F11: variants seen among roughly 807,000 people sequenced by gnomAD.
The protein encoded by F11 is coagualtion factor XI.
Under a neutral mutation model 76.5 loss-of-function variants are expected in F11, and 78 were observed. The ratio of observed to expected loss-of-function variants is 1.02; its 90% confidence interval spans 0.85 to 1.23. F11 has a LOEUF of 1.23. Among genes scored for constraint, F11 ranks in the 50% most tolerant of loss-of-function variants. The pLI, the probability that F11 is intolerant of heterozygous loss-of-function variation, is 0.00. For missense variants in F11, 742 were observed against 771.4 expected, an observed-to-expected ratio of 0.96 and a Z score of 0.45; for synonymous variants, 278 against 276.3, an observed-to-expected ratio of 1.01 and a Z score of -0.06.
At position 186,276,222 on chromosome 4, in the gene F11, G is replaced by C. The variant is rs377045427; in HGVS notation, c.596-9G>C. On this transcript the variant is annotated splice_polypyrimidine_tract_variant and intron_variant, in intron 6 of 14. Transcript: ENST00000403665. ...ATTGAGTCCCTGACATAGTTCTTCC[G>C]TCGCGCAGCTTGTATTAGGGACATT... 2 of 1,613,924 alleles carry C rather than the reference G, an allele frequency of 1.2e-6. No individual in the cohort carries two copies. Among genetic ancestry groups the C allele is most frequent in the Non-Finnish European group, 8.5e-7 (1 of 1,180,016 alleles).
In F11 at chr4:186,285,636, A is replaced by T. The variant is rs1389121348; in HGVS notation, c.1305-2A>T. 6.2e-7 allele frequency: 1 copy of T among 1,613,956 alleles called. No homozygotes were observed. The highest frequency in any genetic ancestry group is 1.7e-5 in the Admixed American group (1 of 60,010). ...TCTTTCCCTCTGTTGTTTGCTCCTTAGGGTAGAGTCACCTAAGATTTTGCG... is the reference window on the plus strand; with the variant it reads ...TCTTTCCCTCTGTTGTTTGCTCCTTTGGGTAGAGTCACCTAAGATTTTGCG... On this transcript the variant is annotated splice_acceptor_variant, in intron 11 of 14. Transcript: ENST00000403665. LOFTEE classifies it high-confidence loss of function.
At chr4:186,288,345 A>T in intron 14 of F11, 108 bp from the exon 15 acceptor site, 2 of 1,395,000 alleles carry the variant, frequency 1.4e-6, no homozygotes, top group Non-Finnish European at 2.0e-6. Flanking sequence ...GCAGTATATT[A>T]AGGGGCCAAG....
Position 186,288,756 on chromosome 4 carries a change from C to T in F11, c.*142C>T. On this transcript the variant is annotated 3_prime_UTR_variant, in exon 15 of 15. Coordinates refer to ENST00000403665, the MANE Select transcript of F11 (RefSeq NM_000128.4). ...TTTGTAAGAAAATGCTAGAAGAAAA[C>T]AAACTGTCACAAGTTGTTATGTCCA... The T allele has an allele frequency of 1.1e-6, 1 of 905,236 alleles. No homozygotes were observed. Among genetic ancestry groups the T allele is most frequent in the Non-Finnish European group, 1.8e-6 (1 of 569,898 alleles). 56.1% of individuals were successfully genotyped at this position (905,236 alleles called of 1,614,324 possible).
At chr4:186,278,976 C>T (rs1253183151) in intron 7 of F11, among the ~76,000 whole-genome samples, 3 of 152,154 alleles carry the variant, frequency 2.0e-5, no homozygotes, top group Non-Finnish European at 4.4e-5. Context: ...GTCTTATTAC[C>T]TTACTGACCA....
chr4:186,286,620 G>T, intron 13 of F11, 110 bp downstream of exon 13: 1 of 1,555,416 alleles, frequency 6.4e-7, no homozygotes, highest in East Asian at 2.3e-5. Flanking sequence ...CTACTCAGTT[G>T]CAGGAAGCGG....
At chr4:186,275,926 C>T in intron 6 of F11, 30 bp downstream of exon 6, 1 of 1,510,758 alleles carries the variant, frequency 6.6e-7, no homozygotes, top group Admixed American at 1.7e-5. Flanking sequence ...TGATGTAATT[C>T]AACCATTAAA....
intron 10 of F11, chr4:186,281,821 C>T: frequency 8.9e-7 from 1 of 1,127,594 alleles, no homozygotes; most frequent in Non-Finnish European, 1.1e-6. Context: ...AGATTATCTG[C>T]TGTACCGAGA....
In F11 at chr4:186,271,648, G is replaced by C; in HGVS notation, c.95G>C (p.Gly32Ala). The C allele has an allele frequency of 6.2e-7, 1 of 1,614,172 alleles. No homozygotes were observed. Among genetic ancestry groups the C allele is most frequent in the South Asian group, 1.1e-5 (1 of 91,076 alleles). The change falls in exon 3 of 15, where the codon GGA (glycine) becomes GCA (alanine). Residue 32 changes from glycine to alanine, a missense_variant. Gly to Ala is a moderately conservative substitution (Grantham distance 60). Transcript: ENST00000403665. ...TTGTTGAAGGACACCTGCTTTGAAG[G>C]AGGGGACATTACTACGGTCTTCACA... Reference protein sequence around the residue: ...TQLLKDTCFEGGDITTVFTPS... With the variant: ...TQLLKDTCFEAGDITTVFTPS...
Position 186,285,832 on chromosome 4 carries a change from G to A in F11, c.1480+19G>A, listed in dbSNP as rs145639491. 9.2e-5 allele frequency: 148 copies of A among 1,613,734 alleles called. 1 individual carries two copies. In the African/African-American group the frequency reaches 1.7e-3, roughly 19 times the overall value. The stretch of plus-strand genomic sequence containing the variant: ...TACACAGGTACGGAGAATTTTATCC[G>A]GAAAGTTGTCTCCAATGGTGAACTG... On this transcript the variant is annotated intron_variant, in intron 12 of 14. Transcript: ENST00000403665.
intron 10 of F11, chr4:186,281,897 A>G: frequency 1.6e-6 from 2 of 1,245,328 alleles, no homozygotes; most frequent in Non-Finnish European, 2.1e-6. Context: ...TATTGCCTCC[A>G]ACACTGGTAT....
chr4:186,275,811 C>T lies in F11; in HGVS notation c.510C>T (p.Thr170=). The T allele has an allele frequency of 1.9e-6, 3 of 1,613,256 alleles. No homozygotes were observed. Among genetic ancestry groups the T allele is most frequent in the African/African-American group, 1.3e-5 (1 of 75,000 alleles). ...GTAACATTTGTCTACTGAAGCACAC[C>T]CAAACAGGGACACCAACCAGAATAA... The part of the protein sequence containing the change: ...EHRNICLLKH[T]QTGTPTRITK... Residue 170 remains threonine, a synonymous_variant, in exon 6 of 15, where the codon ACC becomes ACT. Transcript: ENST00000403665.
intron 4 of F11, among the ~76,000 whole-genome samples, chr4:186,273,642 AG>A (rs1740149174): frequency 6.6e-6 from 1 of 152,100 alleles, no homozygotes; most frequent in Non-Finnish European, 1.5e-5. Context: ...TCCTAGAGAC[AG>A]GGTCTCACTG....
rs1580110752 is a variant in F11, at chr4:186,288,660, G to T, written c.*46G>T. On this transcript the variant is annotated 3_prime_UTR_variant, in exon 15 of 15. Coordinates refer to ENST00000403665, the MANE Select transcript of F11 (RefSeq NM_000128.4). ...GGAGTCCCTGAAGGACCCAGGATTT[G>T]CTGGGAGAGGGTGTTGAGTTCACTG... The T allele has an allele frequency of 1.3e-6, 2 of 1,586,722 alleles. No homozygotes were observed. Among genetic ancestry groups the T allele is most frequent in the East Asian group, 2.3e-5 (1 of 44,074 alleles).
At chr4:186,285,842 C>T (rs1580103139) in intron 12 of F11, 29 bp downstream of exon 12, 1 of 1,612,092 alleles carries the variant, frequency 6.2e-7, no homozygotes, top group African/African-American at 1.3e-5. Flanking sequence ...GGAAAGTTGT[C>T]TCCAATGGTG....
intron 5 of F11, chr4:186,275,098 G>A: frequency 2.2e-6 from 1 of 451,370 alleles, no homozygotes; most frequent in South Asian, 1.6e-5. Context: ...CTTTAGCTCA[G>A]CTCAGACGAC....
chr4:186,276,448 C>A, intron 7 of F11, 58 bp downstream of exon 7: 1 of 1,589,048 alleles, frequency 6.3e-7, no homozygotes, highest in South Asian at 1.1e-5. Flanking sequence ...TGATCAAAAT[C>A]CATCATTAAA....
Position 186,276,218 on chromosome 4 carries a change from T to C in F11, c.596-13T>C. The C allele has an allele frequency of 6.2e-7, 1 of 1,614,142 alleles. No individual in the cohort carries two copies. Among genetic ancestry groups the C allele is most frequent in the East Asian group, 2.2e-5 (1 of 44,876 alleles). On this transcript the variant is annotated splice_polypyrimidine_tract_variant and intron_variant, in intron 6 of 14. Transcript: ENST00000403665. The stretch of plus-strand genomic sequence containing the variant: ...GTGAATTGAGTCCCTGACATAGTTC[T>C]TCCGTCGCGCAGCTTGTATTAGGGA...
chr4:186,286,591 A>G, intron 13 of F11, 81 bp downstream of exon 13: 1 of 1,594,538 alleles, frequency 6.3e-7, no homozygotes, highest in Non-Finnish European at 8.6e-7. Context: ...CATGTAGCTG[A>G]AGCACAACTC....
intron 10 of F11, among the ~76,000 whole-genome samples, chr4:186,280,921 T>C (rs1036197944): frequency 4.0e-5 from 6 of 148,592 alleles, no homozygotes; most frequent in African/African-American, 1.5e-4. Flanking sequence ...TGCAGTGATG[T>C]GGTCAGTGTT....
Sources: gnomAD v4.1 joint callset for allele counts (sites outside exome capture counted in the v4.1 genomes callset) on GRCh38, gnomAD v4.1.1 for gene constraint, MANE v1.5 for transcripts, NCBI Gene and HGNC (gene_info 2026-07-23, HGNC 2026-07-21) for gene names.